ENPP4: variants seen among roughly 807,000 people sequenced by gnomAD.
ENPP4 encodes the protein ectonucleotide pyrophosphatase/phosphodiesterase 4, also known as bis(5'-adenosyl)-triphosphatase ENPP4.
ENPP4 carries 18 observed loss-of-function variants against 33.4 expected under a neutral mutation model. The observed-to-expected ratio is 0.54, with a 90% CI of 0.37 to 0.80. The LOEUF (loss-of-function observed/expected upper bound fraction) is 0.80. ENPP4 is among the 30% of genes least tolerant of loss of function. ENPP4 has a pLI of 0.00. For missense variants in ENPP4, 480 were observed against 541.7 expected, an observed-to-expected ratio of 0.89 and a Z score of 1.13; for synonymous variants, 172 against 189.9, an observed-to-expected ratio of 0.91 and a Z score of 0.78.
At chr6:46,131,322 A>G (rs1292543894) in intron 1 of ENPP4, among the ~76,000 whole-genome samples, 2 of 64,952 alleles carry the variant, frequency 3.1e-5, no homozygotes, top group Non-Finnish European at 6.3e-5. Flanking sequence ...CCCCCACCCC[A>G]CAACAGTCCC....
Position 46,143,585 on chromosome 6 carries a change from G to T in ENPP4, c.1307G>T (p.Arg436Leu). 6.2e-7 allele frequency: 1 copy of T among 1,612,118 alleles called. No individual in the cohort carries two copies. Among genetic ancestry groups the T allele is most frequent in the Non-Finnish European group, 8.5e-7 (1 of 1,178,658 alleles). The change falls in exon 4 of 4, where the codon CGT becomes CTT. Residue 436 changes from arginine to leucine, a missense_variant. Around this residue, in one of 3 missense-constraint regions of ENPP4, gnomAD observed 249 missense variants for 251.8 expected, o/e 0.99. Transcript: ENST00000321037. ...IIMQNRLSVP[R>L]PFSRLQLQED... ...ATGCAGAATAGACTTTCTGTACCTC[G>T]TCCATTTTCTCGACTTCAGCTACAA...
rs1764041216 is a variant in ENPP4, at chr6:46,140,409, A to C, written c.826A>C (p.Asn276His). The C allele has an allele frequency of 1.5e-5, 23 of 1,534,326 alleles. No homozygotes were observed. Among genetic ancestry groups the C allele is most frequent in the Non-Finnish European group, 2.0e-5 (23 of 1,135,958 alleles). Reference protein sequence around the residue: ...SPVAAILPKINRTEVYNKLKN... With the variant: ...SPVAAILPKIHRTEVYNKLKN... ...AGTTGCTGCAATACTTCCCAAAATA[A>C]GTAAGTAAACATTCAACTGAGGGAT... The change falls in exon 2 of 4, where the codon AAT becomes CAT. Residue 276 changes from asparagine to histidine, a missense_variant and splice_region_variant. Transcript: ENST00000321037.
At chr6:46,133,441 A>T (rs1368732478) in intron 1 of ENPP4, among the ~76,000 whole-genome samples, 1 of 152,178 alleles carries the variant, frequency 6.6e-6, no homozygotes, top group Non-Finnish European at 1.5e-5. Flanking sequence ...TGGCGTGCTA[A>T]TAGTGACAAA....
chr6:46,132,993 T>C (rs1015833825), intron 1 of ENPP4, among the ~76,000 whole-genome samples: 5 of 152,138 alleles, frequency 3.3e-5, no homozygotes, highest in African/African-American at 1.2e-4. Context: ...TTTTTGCACA[T>C]TGATTTTGTA....
At chr6:46,131,903 GGCCAGTGATGGTGA>G (rs1240974271) in intron 1 of ENPP4, among the ~76,000 whole-genome samples, 1 of 152,184 alleles carries the variant, frequency 6.6e-6, no homozygotes, top group Admixed American at 6.5e-5. Flanking sequence ...CTTCTCTGAT[GGCCAGTGATGGTGA>G]GCATTTTTTC....
In ENPP4 at chr6:46,140,346, A is replaced by G. The variant is rs9381429; in HGVS notation, c.763A>G (p.Ile255Val). 2.6e-3 allele frequency: 4,152 copies of G among 1,610,572 alleles called. 143 individuals carry two copies. In the East Asian group the frequency reaches 0.073, roughly 28 times the overall value. The change falls in exon 2 of 4, where the codon ATC becomes GTC. Residue 255 changes from isoleucine to valine, a missense_variant. Physicochemically the swap from Ile to Val is conservative, Grantham distance 29. Transcript: ENST00000321037. ...QDRLINLDSC[I>V]DHSYYTLIDL... is the part of the protein sequence containing the mutation. The stretch of plus-strand genomic sequence containing the variant: ...CAGACTGATAAACCTGGATTCCTGC[A>G]TCGATCATTCATACTACACTCTTAT...
chr6:46,132,502 C>T (rs1763915182), intron 1 of ENPP4, among the ~76,000 whole-genome samples: 2 of 152,230 alleles, frequency 1.3e-5, no homozygotes, highest in South Asian at 4.1e-4. Flanking sequence ...CTGTTCTGTT[C>T]CATTGATCTA....
chr6:46,146,488 A>C lies in ENPP4; in HGVS notation c.*2848A>C, dbSNP rs1764141238. 6.6e-6 allele frequency: 1 copy of C among 152,352 alleles called. No homozygotes were observed. Among genetic ancestry groups the C allele is most frequent in the Admixed American group, 6.6e-5 (1 of 15,204 alleles). The allele number at this position is 152,352 out of a possible 1,614,324, so 9.4% of individuals were successfully genotyped here. A position where few individuals can be genotyped will look rare whatever the true frequency, so the allele number is the denominator to read the frequency against. ...GACAAGGAGGAGATGGAAAATGTGT[A>C]TTTATTGTTAATTCTTAAAATAGTG... On this transcript the variant is annotated 3_prime_UTR_variant, in exon 4 of 4. Coordinates refer to ENST00000321037, the MANE Select transcript of ENPP4 (RefSeq NM_014936.5).
At position 46,139,889 on chromosome 6, in the gene ENPP4, T is replaced by C; in HGVS notation, c.306T>C (p.Phe102=). ...ATGATGCAGTCACAAAGAAACACTT[T>C]TCTGACTCTAATGACAAGGATCCTT... ...SMYDAVTKKH[F]SDSNDKDPFW... The change falls in exon 2 of 4, where the codon TTT becomes TTC. Residue 102 remains phenylalanine (F), a synonymous_variant. Coordinates refer to ENST00000321037, the MANE Select transcript of ENPP4 (RefSeq NM_014936.5). The C allele has an allele frequency of 1.2e-6, 2 of 1,612,886 alleles. No homozygotes were observed. The highest frequency in any genetic ancestry group is 1.7e-6 in the Non-Finnish European group (2 of 1,179,164).
At position 46,143,632 on chromosome 6, in the gene ENPP4, AT is replaced by A. The variant is rs773614852; in HGVS notation, c.1356del (p.Ile452MetfsTer6). The A allele has an allele frequency of 6.2e-7, 1 of 1,608,182 alleles. No homozygotes were observed. The highest frequency in any genetic ancestry group is 1.1e-5 in the South Asian group (1 of 90,176). ...ACAAGAAGATGATGATGATCCTTTA[AT>A]TGGGTGACATGTGCTAGGGCTTATA... ...QLQEDDDDPL[I>X]G On this transcript the variant is annotated frameshift_variant, in exon 4 of 4. Transcript: ENST00000321037. LOFTEE classifies it high-confidence loss of function.
chr6:46,143,704 A>G lies in ENPP4; in HGVS notation c.*64A>G. ...ACAAAACTAAGAATACATCCAAAGA[A>G]TAGTGTTGTAACTATGAAAAAGAAT... On this transcript the variant is annotated 3_prime_UTR_variant, in exon 4 of 4. Coordinates refer to ENST00000321037, the MANE Select transcript of ENPP4 (RefSeq NM_014936.5). 1.4e-6 allele frequency: 2 copies of G among 1,428,736 alleles called. No homozygotes were observed. Among genetic ancestry groups the G allele is most frequent in the Non-Finnish European group, 1.9e-6 (2 of 1,048,342 alleles). 88.5% of individuals were successfully genotyped at this position (1,428,736 alleles called of 1,614,324 possible).
chr6:46,133,527 T>G (rs535829571), intron 1 of ENPP4, among the ~76,000 whole-genome samples: 1 of 152,330 alleles, frequency 6.6e-6, no homozygotes, highest in Admixed American at 6.5e-5. Context: ...GAGAGTTGAC[T>G]GCATTCCATC....
In ENPP4 at chr6:46,141,172, T is replaced by C; in HGVS notation, c.947T>C (p.Leu316Ser). 6.2e-7 allele frequency: 1 copy of C among 1,609,838 alleles called. No individual in the cohort carries two copies. The highest frequency in any genetic ancestry group is 8.5e-7 in the Non-Finnish European group (1 of 1,177,138). Residue 316 changes from leucine (L) to serine (S), a missense_variant, in exon 3 of 4, where the codon TTG becomes TCG. This residue lies in a region of ENPP4 where 249 missense variants were observed against 251.8 expected (regional missense o/e 0.99). Coordinates refer to ENST00000321037, the MANE Select transcript of ENPP4 (RefSeq NM_014936.5). ...AATGATCGAATTCAGCCCATTATTT[T>C]GGTTGCCGATGAAGGCTGGACAATT... The part of the protein sequence containing the change: ...QHNDRIQPII[L>S]VADEGWTIVL...
chr6:46,137,705 T>G (rs571956247), intron 1 of ENPP4, among the ~76,000 whole-genome samples: 1 of 151,982 alleles, frequency 6.6e-6, no homozygotes, highest in South Asian at 2.1e-4. Flanking sequence ...GTTTTGTTAC[T>G]CTGCATTAGT....
chr6:46,140,347 T>C lies in ENPP4; in HGVS notation c.764T>C (p.Ile255Thr). ...QDRLINLDSCIDHSYYTLIDL... is the reference protein window; with the variant it reads ...QDRLINLDSCTDHSYYTLIDL... Reference sequence around the variant, plus strand: ...AGACTGATAAACCTGGATTCCTGCATCGATCATTCATACTACACTCTTATA... The same window carrying C: ...AGACTGATAAACCTGGATTCCTGCACCGATCATTCATACTACACTCTTATA... Residue 255 changes from isoleucine to threonine, a missense_variant, in exon 2 of 4, where the codon ATC becomes ACC. By Grantham distance (89) the Ile-to-Thr change is moderately conservative (BLOSUM62 -1). This residue lies in a region of ENPP4 where 249 missense variants were observed against 251.8 expected (regional missense o/e 0.99). Transcript: ENST00000321037. 6.2e-7 allele frequency: 1 copy of C among 1,610,444 alleles called. No homozygotes were observed. The highest frequency in any genetic ancestry group is 8.5e-7 in the Non-Finnish European group (1 of 1,178,330).
chr6:46,132,525 G>T (rs1352733488), intron 1 of ENPP4, among the ~76,000 whole-genome samples: 2 of 152,060 alleles, frequency 1.3e-5, no homozygotes, highest in Non-Finnish European at 2.9e-5. Context: ...TCTCTGTTTT[G>T]GTACCAGTAC....
chr6:46,131,344 G>T (rs960906527), intron 1 of ENPP4, among the ~76,000 whole-genome samples: 4 of 135,266 alleles, frequency 3.0e-5, no homozygotes, highest in African/African-American at 1.1e-4. Flanking sequence ...AGAGTGTGAT[G>T]TTCCCCTTCC....
At chr6:46,133,151 TGGAG>T (rs56859866) in intron 1 of ENPP4, among the ~76,000 whole-genome samples, 67,671 of 151,596 alleles carry the variant, frequency 0.45, 16,315 homozygotes, top group Middle Eastern at 0.67. Flanking sequence ...CAAGGAGTAA[TGGAG>T]GGAGGTATTT....
chr6:46,139,588 A>C lies in ENPP4; in HGVS notation c.5A>C (p.Lys2Thr), dbSNP rs990110877. The C allele has an allele frequency of 6.6e-7, 1 of 1,506,304 alleles. No homozygotes were observed. The highest frequency in any genetic ancestry group is 1.7e-5 in the Admixed American group (1 of 59,306). The allele number at this position is 1,506,304 out of a possible 1,614,324, so 93.3% of individuals were successfully genotyped here. A position where few individuals can be genotyped will look rare whatever the true frequency, so the allele number is the denominator to read the frequency against. Residue 2 changes from lysine to threonine, a missense_variant, in exon 2 of 4, where the codon AAG becomes ACG. This residue lies in a region of ENPP4 where 227 missense variants were observed against 273.7 expected (regional missense o/e 0.83). Coordinates refer to ENST00000321037, the MANE Select transcript of ENPP4 (RefSeq NM_014936.5). ...CTGTCCTTCAACGTGTTCATTATGAAGTTATTAGTAATACTTTTGTTTTCT... is the reference window on the plus strand; with the variant it reads ...CTGTCCTTCAACGTGTTCATTATGACGTTATTAGTAATACTTTTGTTTTCT... Reference protein sequence around the residue: MKLLVILLFSGL... With the variant: MTLLVILLFSGL...
Sources: gnomAD v4.1 joint callset for allele counts (sites outside exome capture counted in the v4.1 genomes callset) on GRCh38, gnomAD v4.1.1 for gene constraint, gnomAD v4.1.1 regional missense constraint, MANE v1.5 for transcripts, NCBI Gene and HGNC (gene_info 2026-07-23, HGNC 2026-07-21) for gene names.